PDE10A: variants seen among roughly 807,000 people sequenced by gnomAD.
PDE10A encodes the protein phosphodiesterase 10A.
PDE10A carries 39 observed loss-of-function variants against 97.7 expected under a neutral mutation model. The ratio of observed to expected loss-of-function variants is 0.40; its 90% CI spans 0.31 to 0.52. The LOEUF is 0.52. PDE10A is among the 20% of genes least tolerant of loss of function. The pLI is 0.56. For missense variants in PDE10A, 731 were observed against 1,047.8 expected (o/e 0.70, Z 4.17); for synonymous variants, 371 against 376.8 (o/e 0.98, Z 0.18).
At chr6:165,943,318 G>GA (rs1406100457) in intron 1 of PDE10A, among the ~76,000 whole-genome samples, 3 of 66,982 alleles carry the variant, frequency 4.5e-5, no homozygotes, top group Non-Finnish European at 8.7e-5. Context: ...AAGGAAGGAA[G>GA]GAAAGAAAGA....
At chr6:165,431,529 T>A in intron 7 of PDE10A, 57 bp from the exon 8 acceptor site, 1 of 589,308 alleles carries the variant, frequency 1.7e-6, no homozygotes, top group South Asian at 2.5e-5. Context: ...TATATATATA[T>A]ACTATATATA....
chr6:165,476,956 C>T lies in PDE10A; in HGVS notation c.1023+5359G>A, dbSNP rs565265189. ...ATTCTGACATTTTTATCTCCCTGTT[C>T]TTGTCAGAAATCTTTTTGACTTAGG... is the stretch of plus-strand genomic sequence containing the variant. On this transcript the variant is annotated intron_variant, in intron 3 of 21. Coordinates refer to ENST00000539869, the MANE Select transcript of PDE10A (RefSeq NM_001385079.1). 3.3e-5 allele frequency among the ~76,000 whole-genome samples: 5 copies of T among 152,204 alleles called. No individual in the cohort carries two copies. The East Asian group carries it at 7.7e-4, about 24-fold the overall frequency.
At chr6:165,449,485 G>A (rs1791128315) in intron 4 of PDE10A, among the ~76,000 whole-genome samples, 1 of 152,068 alleles carries the variant, frequency 6.6e-6, no homozygotes, top group Admixed American at 6.6e-5. Context: ...AAGTCTTGGA[G>A]GGACTGCCTC....
At chr6:165,734,362 A>G (rs1184782583) in intron 1 of PDE10A, among the ~76,000 whole-genome samples, 1 of 152,184 alleles carries the variant, frequency 6.6e-6, no homozygotes, top group Non-Finnish European at 1.5e-5. Flanking sequence ...CAGAGTAAAA[A>G]TGATGAGCCA....
intron 1 of PDE10A, among the ~76,000 whole-genome samples, chr6:165,738,894 A>G (rs1792649816): frequency 6.6e-6 from 1 of 152,254 alleles, no homozygotes; most frequent in East Asian, 1.9e-4. Flanking sequence ...AAACAATTTC[A>G]TTTACAATTG....
rs778744017 is a variant in PDE10A, at chr6:165,730,750, C to CA, written c.-614-187183dup. ...CCTGGGCGACAGAGTGAGATTCCAC[C>CA]AAAAAAAAAAAAAATCCGGGCCCGG... is the stretch of plus-strand genomic sequence containing the variant. On this transcript the variant is annotated intron_variant, in intron 1 of 19. Coordinates refer to the PDE10A transcript ENST00000366882. Among the ~76,000 whole-genome samples the CA allele has an allele frequency of 8.3e-3, 1,008 of 122,078 alleles. 30 individuals are homozygous for CA. Among genetic ancestry groups the CA allele is most frequent in the African/African-American group, 0.018 (550 of 30,412 alleles). The allele number at this position is 122,078 out of a possible 152,430, so 80.1% of individuals were successfully genotyped here.
intron 1 of PDE10A, among the ~76,000 whole-genome samples, chr6:165,935,607 A>G (rs954805624): frequency 2.0e-5 from 3 of 152,240 alleles, no homozygotes; most frequent in Non-Finnish European, 1.5e-5. Context: ...GTTTGAGAGA[A>G]CATTCACTGG....
chr6:165,352,281 A>C (rs1025988748), intron 18 of PDE10A, among the ~76,000 whole-genome samples: 2 of 152,224 alleles, frequency 1.3e-5, no homozygotes, highest in African/African-American at 4.8e-5. Flanking sequence ...AATACAAATA[A>C]GGATGCCTGG....
At position 165,844,823 on chromosome 6, in the gene PDE10A, A is replaced by G. The variant is rs183734374; in HGVS notation, c.-615+142706T>C. On this transcript the variant is annotated intron_variant, in intron 1 of 19. Transcript: ENST00000366882. ...AGAGGAAGAAGTCCTAATCTTCAGTACAAACCCTGCCTGGGAGCTGGTTAA... is the reference window on the plus strand; with the variant it reads ...AGAGGAAGAAGTCCTAATCTTCAGTGCAAACCCTGCCTGGGAGCTGGTTAA... Among the ~76,000 whole-genome samples, 322 of 152,346 alleles carry G rather than the reference A, an allele frequency of 2.1e-3. 1 individual carries two copies. The highest frequency in any genetic ancestry group is 8.7e-4 in the Non-Finnish European group (59 of 68,036).
At chr6:165,719,533 C>T (rs1482469763) in intron 1 of PDE10A, among the ~76,000 whole-genome samples, 1 of 152,140 alleles carries the variant, frequency 6.6e-6, no homozygotes, top group Non-Finnish European at 1.5e-5. Flanking sequence ...TCAATCTAGT[C>T]TTAACAAAGG....
chr6:165,690,946 C>T (rs1791254230), intron 1 of PDE10A, among the ~76,000 whole-genome samples: 1 of 152,292 alleles, frequency 6.6e-6, no homozygotes. Flanking sequence ...CTTCTCAAGC[C>T]TCCAGACTTG....
intron 1 of PDE10A, among the ~76,000 whole-genome samples, chr6:165,735,773 C>T (rs6921426): frequency 0.087 from 13,243 of 152,256 alleles, 1,360 homozygotes; most frequent in African/African-American, 0.25. Context: ...TCCAAAATCA[C>T]CCTCACAGAA....
chr6:165,861,605 C>T (rs1212040473), intron 1 of PDE10A, among the ~76,000 whole-genome samples: 1 of 151,832 alleles, frequency 6.6e-6, no homozygotes, highest in Non-Finnish European at 1.5e-5. Context: ...ATGGTGTGAT[C>T]CAACAGCAGT....
chr6:165,635,479 G>GTT (rs897923166), intron 1 of PDE10A, among the ~76,000 whole-genome samples: 3 of 152,094 alleles, frequency 2.0e-5, no homozygotes, highest in Non-Finnish European at 4.4e-5. Context: ...GTGAGTGTGT[G>GTT]TGTGTGTGGG....
At chr6:165,377,143 A>T (rs192653559) in intron 18 of PDE10A, among the ~76,000 whole-genome samples, 1 of 152,352 alleles carries the variant, frequency 6.6e-6, no homozygotes, top group East Asian at 1.9e-4. Flanking sequence ...TTAGTAGAAC[A>T]CATGGTGTAA....
intron 2 of PDE10A, among the ~76,000 whole-genome samples, chr6:165,502,050 T>C (rs1054135922): frequency 3.3e-5 from 5 of 152,218 alleles, no homozygotes; most frequent in Non-Finnish European, 7.3e-5. Context: ...GGATAATCTT[T>C]TTCAACAAAT....
intron 10 of PDE10A, among the ~76,000 whole-genome samples, chr6:165,426,425 T>C (rs1364095023): frequency 1.3e-5 from 2 of 152,074 alleles, no homozygotes; most frequent in East Asian, 1.9e-4. Context: ...GATAGCTACA[T>C]GGAAAAGAAT....
chr6:165,576,657 C>T (rs1785321884), intron 1 of PDE10A, among the ~76,000 whole-genome samples: 1 of 152,160 alleles, frequency 6.6e-6, no homozygotes, highest in South Asian at 2.1e-4. Context: ...CTTTCATATC[C>T]CATCTCTTTA....
intron 2 of PDE10A, among the ~76,000 whole-genome samples, chr6:165,518,473 T>C (rs1366036096): frequency 6.6e-6 from 1 of 152,230 alleles, no homozygotes. Flanking sequence ...GTCTCCACGC[T>C]GCAGATGCTC....
Sources: gnomAD v4.1 joint callset for allele counts (sites outside exome capture counted in the v4.1 genomes callset) on GRCh38, gnomAD v4.1.1 for gene constraint, MANE v1.5 for transcripts, NCBI Gene and HGNC (gene_info 2026-07-23, HGNC 2026-07-21) for gene names.